PTPRD: variants seen among roughly 807,000 people sequenced by gnomAD.
PTPRD encodes the protein receptor-type tyrosine-protein phosphatase delta.
In PTPRD, 34 loss-of-function variants were observed where a neutral mutation model predicts 214.5. The observed-to-expected ratio is 0.16, with a 90% CI of 0.12 to 0.21. The LOEUF is 0.21. PTPRD is among the 10% of genes least tolerant of loss of function. PTPRD has a pLI of 1.00. For synonymous variants in PTPRD, 1,128 were observed against 845.7 expected (o/e 1.33, Z -5.79); for missense variants, 2,545 against 2,398.7 (o/e 1.06, Z -1.27).
At chr9:10,378,711 T>C (rs1278896753) in intron 2 of PTPRD, among the ~76,000 whole-genome samples, 1 of 152,046 alleles carries the variant, frequency 6.6e-6, no homozygotes, top group Non-Finnish European at 1.5e-5. Flanking sequence ...CTGTTTTGGT[T>C]AGTATAGCTG....
In PTPRD at chr9:9,809,146, C is replaced by T. The variant is rs567438123; in HGVS notation, c.-367-42295G>A. On this transcript the variant is annotated intron_variant, in intron 5 of 45. Coordinates refer to ENST00000381196, the MANE Select transcript of PTPRD (RefSeq NM_002839.4). ...TCTTTTGGGTCTCATATTTGTGGGT[C>T]TCCCATGTCAATGTGCATGTTAATA... 2.6e-5 allele frequency among the ~76,000 whole-genome samples: 4 copies of T among 151,980 alleles called. No homozygotes were observed. The South Asian group carries it at 8.3e-4, about 32-fold the overall frequency.
At chr9:9,074,639 C>T (rs913054094) in intron 10 of PTPRD, among the ~76,000 whole-genome samples, 2 of 151,840 alleles carry the variant, frequency 1.3e-5, no homozygotes, top group East Asian at 1.9e-4. Context: ...TTTCATGTGC[C>T]TGTTTGCCAT....
intron 9 of PTPRD, among the ~76,000 whole-genome samples, chr9:9,231,184 G>C (rs966664120): frequency 1.3e-5 from 2 of 152,086 alleles, no homozygotes; most frequent in Non-Finnish European, 2.9e-5. Context: ...GTTTTTAAAA[G>C]ATAGTCTCAG....
intron 9 of PTPRD, among the ~76,000 whole-genome samples, chr9:9,253,877 G>C (rs2099976526): frequency 6.6e-6 from 1 of 152,210 alleles, no homozygotes. Flanking sequence ...GGTGTTGGCA[G>C]GGCTGCACTT....
chr9:9,901,149 G>A (rs1244735994), intron 5 of PTPRD, among the ~76,000 whole-genome samples: 1 of 152,220 alleles, frequency 6.6e-6, no homozygotes, highest in Non-Finnish European at 1.5e-5. Flanking sequence ...GAGACTGGAA[G>A]CAAGAGTGGA....
At chr9:9,397,941 A>G (rs2068549788) in intron 8 of PTPRD, among the ~76,000 whole-genome samples, 1 of 151,968 alleles carries the variant, frequency 6.6e-6, no homozygotes, top group Non-Finnish European at 1.5e-5. Context: ...AGTGTTTAGC[A>G]TAGCATTCAG....
intron 3 of PTPRD, among the ~76,000 whole-genome samples, chr9:10,079,464 AG>A (rs1170741698): frequency 6.6e-6 from 1 of 152,104 alleles, no homozygotes; most frequent in African/African-American, 2.4e-5. Context: ...TGAAGCATCC[AG>A]GCAGGAGGCA....
chr9:8,322,244 G>C (rs1488209015), intron 44 of PTPRD, among the ~76,000 whole-genome samples: 1 of 151,954 alleles, frequency 6.6e-6, no homozygotes, highest in Non-Finnish European at 1.5e-5. Flanking sequence ...AAGTGTTCAA[G>C]TGAAAGGGAG....
chr9:9,966,756 A>AGGAGACAG (rs1430587959), intron 4 of PTPRD, among the ~76,000 whole-genome samples: 1 of 152,134 alleles, frequency 6.6e-6, no homozygotes, highest in Non-Finnish European at 1.5e-5. Flanking sequence ...TGAGGAATCA[A>AGGAGACAG]GGAGACAGGA....
chr9:9,253,917 T>C (rs993265661), intron 9 of PTPRD, among the ~76,000 whole-genome samples: 33 of 152,240 alleles, frequency 2.2e-4, no homozygotes, highest in African/African-American at 7.5e-4. Flanking sequence ...GAGTTTGCTC[T>C]GTGCCTAGTT....
chr9:8,923,230 C>T (rs1383899148), intron 11 of PTPRD, among the ~76,000 whole-genome samples: 5 of 151,682 alleles, frequency 3.3e-5, no homozygotes, highest in East Asian at 2.0e-4. Context: ...TTAGTAGAGA[C>T]AGGGTTTCAC....
At chr9:8,527,637 T>C (rs1273213069) in intron 15 of PTPRD, among the ~76,000 whole-genome samples, 5 of 152,078 alleles carry the variant, frequency 3.3e-5, no homozygotes, top group African/African-American at 1.2e-4. Flanking sequence ...TCTATACCAA[T>C]ATTACTACCA....
chr9:9,112,347 T>C (rs1209779857), intron 10 of PTPRD, among the ~76,000 whole-genome samples: 1 of 152,126 alleles, frequency 6.6e-6, no homozygotes, highest in Non-Finnish European at 1.5e-5. Flanking sequence ...TCTGAGACAC[T>C]TCTTAATTTT....
intron 3 of PTPRD, among the ~76,000 whole-genome samples, chr9:10,237,396 G>T (rs184127815): frequency 6.6e-6 from 1 of 151,850 alleles, no homozygotes; most frequent in African/African-American, 2.4e-5. Context: ...TTCAAGTCTG[G>T]TAGTTCTTCA....
intron 3 of PTPRD, among the ~76,000 whole-genome samples, chr9:10,103,517 T>A (rs562447403): frequency 3.4e-4 from 51 of 151,240 alleles, no homozygotes; most frequent in African/African-American, 1.1e-3. Flanking sequence ...AAATGGAAAC[T>A]ACCCAAGAGT....
intron 11 of PTPRD, among the ~76,000 whole-genome samples, chr9:8,773,765 CTA>C (rs2095340208): frequency 1.3e-5 from 2 of 152,290 alleles, no homozygotes; most frequent in Admixed American, 1.3e-4. Context: ...TTTACAATAA[CTA>C]TGATTCAAAA....
intron 44 of PTPRD, among the ~76,000 whole-genome samples, chr9:8,330,947 A>C (rs937412735): frequency 1.3e-5 from 2 of 151,758 alleles, no homozygotes. Flanking sequence ...AGGTTTTTGC[A>C]TAGCAACTTC....
intron 9 of PTPRD, among the ~76,000 whole-genome samples, chr9:9,277,363 G>C (rs374447718): frequency 2.1e-4 from 32 of 151,260 alleles, no homozygotes; most frequent in African/African-American, 7.0e-4. Context: ...ATCTGGTATT[G>C]ATAGAGCTGC....
intron 9 of PTPRD, among the ~76,000 whole-genome samples, chr9:9,346,345 T>C (rs16929192): frequency 0.027 from 4,170 of 152,254 alleles, 203 homozygotes; most frequent in African/African-American, 0.095. Flanking sequence ...ACACGTAACA[T>C]AATTTGATCT....
Sources: gnomAD v4.1 joint callset for allele counts (sites outside exome capture counted in the v4.1 genomes callset) on GRCh38, gnomAD v4.1.1 for gene constraint, MANE v1.5 for transcripts, NCBI Gene and HGNC (gene_info 2026-07-23, HGNC 2026-07-21) for gene names.